The following GAN variants were observed in gnomAD, a reference collection of about 807,000 sequenced individuals.
The protein encoded by GAN is epididymis secretory sperm binding protein.
GAN carries 48 observed loss-of-function variants against 71.3 expected under a neutral mutation model. The ratio of observed to expected loss-of-function variants is 0.67; its 90% CI spans 0.53 to 0.86. GAN has a LOEUF of 0.86. Ranked by LOEUF, GAN falls within the 40% of genes least tolerant of loss-of-function variation. The probability of loss-of-function intolerance (pLI) is 0.00; values close to 1 mark genes in which losing one functional copy is unlikely to be tolerated. For synonymous variants in GAN, 386 were observed against 276.8 expected (o/e 1.39, Z -3.92); for missense variants, 928 against 770.1 (o/e 1.21, Z -2.43).
chr16:81,328,784 A>G (rs1567480450), intron 1 of GAN, among the ~76,000 whole-genome samples: 1 of 151,880 alleles, frequency 6.6e-6, no homozygotes, highest in African/African-American at 2.4e-5. Flanking sequence ...TGTGTTTGCT[A>G]TTGTAAAAAT....
chr16:81,385,542 T>A lies in GAN; in HGVS notation c.*7946T>A, dbSNP rs1045122604. ...CACCTCTGCGGGTTGTTGTGAGGAT[T>A]AACTGGGTGATGACTGTAAGCAGCT... On this transcript the variant is annotated 3_prime_UTR_variant, in exon 11 of 11. Coordinates refer to ENST00000648994, the MANE Select transcript of GAN (RefSeq NM_022041.4). 6.6e-6 allele frequency: 1 copy of A among 152,058 alleles called. No homozygotes were observed. Among genetic ancestry groups the A allele is most frequent in the Admixed American group, 6.6e-5 (1 of 15,254 alleles). The allele number at this position is 152,058 out of a possible 1,614,324, so 9.4% of individuals were successfully genotyped here.
At chr16:81,367,541 A>G (rs1910900795) in intron 9 of GAN, among the ~76,000 whole-genome samples, 1 of 152,134 alleles carries the variant, frequency 6.6e-6, no homozygotes, top group Admixed American at 6.5e-5. Flanking sequence ...AATAAATAAG[A>G]GCACTTCCAA....
rs1170955565 is a variant in GAN, at chr16:81,384,308, A to T, written c.*6712A>T. ...TTTTCCATTTTACTACTTAAAAAAA[A>T]AAAAAAAAGAAAAGAAAAAAAAGCA... is the stretch of plus-strand genomic sequence containing the variant. On this transcript the variant is annotated 3_prime_UTR_variant, in exon 11 of 11. Transcript: ENST00000648994. 2.1e-5 allele frequency: 3 copies of T among 145,912 alleles called. No individual in the cohort carries two copies. The highest frequency in any genetic ancestry group is 7.6e-5 in the African/African-American group (3 of 39,632). The allele number at this position is 145,912 out of a possible 1,614,324, so 9.0% of individuals were successfully genotyped here.
chr16:81,315,165 C>A lies in GAN; in HGVS notation c.52C>A (p.Arg18=). The change falls in exon 1 of 11, where the codon CGA becomes AGA. Residue 18 remains arginine, a synonymous_variant. Coordinates refer to ENST00000648994, the MANE Select transcript of GAN (RefSeq NM_022041.4). The part of the protein sequence containing the change: ...SDPQHAARLL[R]ALSSFREESR... ...CCCTCAGCACGCCGCGCGTCTGCTG[C>A]GAGCGCTCAGCTCTTTCCGCGAGGA... The A allele has an allele frequency of 6.4e-7, 1 of 1,557,970 alleles. No individual in the cohort carries two copies. Among genetic ancestry groups the A allele is most frequent in the Non-Finnish European group, 8.7e-7 (1 of 1,154,396 alleles).
rs1904286628 is a variant in GAN, at chr16:81,377,673, C to T, written c.*77C>T. ...GCTCCGAAAGGGAGAGCAGAGATGG[C>T]AGCTGAAACTCACTCTGTGCTGGGC... is the stretch of plus-strand genomic sequence containing the variant. On this transcript the variant is annotated 3_prime_UTR_variant, in exon 11 of 11. Transcript: ENST00000648994. 3.2e-6 allele frequency: 4 copies of T among 1,263,796 alleles called. No homozygotes were observed. The South Asian group carries it at 4.8e-5, about 15-fold the overall frequency. The allele number at this position is 1,263,796 out of a possible 1,614,324, so 78.3% of individuals were successfully genotyped here.
chr16:81,375,507 TG>T (rs1438457717), intron 9 of GAN, among the ~76,000 whole-genome samples: 1 of 151,934 alleles, frequency 6.6e-6, no homozygotes, highest in Admixed American at 6.6e-5. Context: ...TTGTATTTTT[TG>T]TAAAGACAAG....
chr16:81,320,510 A>T (rs140912198), intron 1 of GAN, among the ~76,000 whole-genome samples: 1 of 152,244 alleles, frequency 6.6e-6, no homozygotes. Context: ...TTTCACAGTA[A>T]TGTTCAGTTA....
At chr16:81,335,568 GA>G (rs1035185143) in intron 1 of GAN, among the ~76,000 whole-genome samples, 1 of 152,024 alleles carries the variant, frequency 6.6e-6, no homozygotes, top group African/African-American at 2.4e-5. Context: ...CCAATGTGGT[GA>G]AACCCCATCT....
intron 4 of GAN, 35 bp downstream of exon 4, chr16:81,357,037 G>T: frequency 4.1e-6 from 5 of 1,224,142 alleles, no homozygotes; most frequent in Non-Finnish European, 6.1e-6. Flanking sequence ...GAAAAGTGGT[G>T]TATGGGAAGA....
At chr16:81,337,405 G>C (rs951945330) in intron 1 of GAN, among the ~76,000 whole-genome samples, 4 of 152,124 alleles carry the variant, frequency 2.6e-5, no homozygotes, top group Non-Finnish European at 5.9e-5. Flanking sequence ...GCTTTTATTG[G>C]AGACAAGCTT....
At chr16:81,376,266 A>G (rs1904279283) in intron 9 of GAN, among the ~76,000 whole-genome samples, 1 of 152,018 alleles carries the variant, frequency 6.6e-6, no homozygotes, top group Non-Finnish European at 1.5e-5. Flanking sequence ...CTTGCTCTCT[A>G]ATGTTCCTGA....
At chr16:81,335,945 C>T (rs60369762) in intron 1 of GAN, among the ~76,000 whole-genome samples, 3 of 151,882 alleles carry the variant, frequency 2.0e-5, no homozygotes, top group South Asian at 2.1e-4. Flanking sequence ...GTGCCCCATG[C>T]GGGTTCCTGC....
In GAN at chr16:81,315,025, CG is replaced by C; in HGVS notation, c.-86del. On this transcript the variant is annotated 5_prime_UTR_variant, in exon 1 of 11. Coordinates refer to ENST00000648994, the MANE Select transcript of GAN (RefSeq NM_022041.4). ...TCAGAGCGCGGAGAGCCGGGCCGGG[CG>C]GGCGCGCGCGCAGGACTCGGGCCGC... 2 of 1,128,114 alleles carry C rather than the reference CG, an allele frequency of 1.8e-6. No homozygotes were observed. The highest frequency in any genetic ancestry group is 4.3e-5 in the South Asian group (2 of 46,286). The allele number at this position is 1,128,114 out of a possible 1,614,324, so 69.9% of individuals were successfully genotyped here. A position where few individuals can be genotyped will look rare whatever the true frequency, so the allele number is the denominator to read the frequency against.
At position 81,382,599 on chromosome 16, in the gene GAN, T is replaced by G. The variant is rs1442048795; in HGVS notation, c.*5003T>G. ...AAGTATTTTGATAGCTTTTAATAAT[T>G]CTTGAAATACTCTTTACTCTGTCTG... On this transcript the variant is annotated 3_prime_UTR_variant, in exon 11 of 11. Coordinates refer to ENST00000648994, the MANE Select transcript of GAN (RefSeq NM_022041.4). The G allele has an allele frequency of 6.6e-6, 1 of 152,212 alleles. No homozygotes were observed. The highest frequency in any genetic ancestry group is 1.5e-5 in the Non-Finnish European group (1 of 68,042). The allele number at this position is 152,212 out of a possible 1,614,324, so 9.4% of individuals were successfully genotyped here.
chr16:81,360,270 A>C (rs1900946103), intron 5 of GAN, among the ~76,000 whole-genome samples: 1 of 152,196 alleles, frequency 6.6e-6, no homozygotes, highest in Non-Finnish European at 1.5e-5. Flanking sequence ...GACAACTCTC[A>C]GATTTGATTG....
chr16:81,339,865 G>A (rs1308129688), intron 1 of GAN, among the ~76,000 whole-genome samples: 1 of 152,102 alleles, frequency 6.6e-6, no homozygotes, highest in Non-Finnish European at 1.5e-5. Context: ...AAGGTGTCAG[G>A]GGCAGATGTA....
intron 1 of GAN, among the ~76,000 whole-genome samples, chr16:81,344,196 T>G (rs916885616): frequency 6.6e-6 from 1 of 152,160 alleles, no homozygotes; most frequent in Non-Finnish European, 1.5e-5. Context: ...CCAAAGTAAT[T>G]TATAGATTTA....
At chr16:81,352,516 T>A (rs1209771928) in intron 2 of GAN, among the ~76,000 whole-genome samples, 1 of 152,192 alleles carries the variant, frequency 6.6e-6, no homozygotes, top group Non-Finnish European at 1.5e-5. Flanking sequence ...TCATCTTTAT[T>A]CTTTCTGAGA....
chr16:81,323,903 T>C (rs1424255164), intron 1 of GAN, among the ~76,000 whole-genome samples: 1 of 152,208 alleles, frequency 6.6e-6, no homozygotes, highest in Non-Finnish European at 1.5e-5. Flanking sequence ...TGTGGAGACC[T>C]ATGTCAGTCT....
Sources: allele counts gnomAD v4.1 joint callset (sites outside exome capture counted in the v4.1 genomes callset), GRCh38; gene constraint gnomAD v4.1.1; transcripts MANE v1.5; gene names NCBI Gene and HGNC (gene_info 2026-07-23, HGNC 2026-07-21).